The following PSMC2 variants were observed in gnomAD, a reference collection of about 807,000 sequenced individuals.
PSMC2 encodes the protein proteasome 26S subunit, ATPase 2.
Under a neutral mutation model 53.3 loss-of-function variants are expected in PSMC2, and 7 were observed. That is an observed-to-expected ratio of 0.13 (90% CI 0.07 to 0.25). PSMC2 has a LOEUF of 0.25. PSMC2 is among the 10% of genes least tolerant of loss of function. The pLI is 1.00. For synonymous variants in PSMC2, 169 were observed against 183.9 expected (o/e 0.92, Z 0.66); for missense variants, 241 against 544.0 (o/e 0.44, Z 5.54).
rs958686465 is a variant in PSMC2, at chr7:103,355,601, C to T, written c.191-93C>T. The T allele has an allele frequency of 3.3e-6, 3 of 911,180 alleles. No individual in the cohort carries two copies. The African/African-American group carries it at 4.9e-5, about 15-fold the overall frequency. The allele number at this position is 911,180 out of a possible 1,614,324, so 56.4% of individuals were successfully genotyped here. On this transcript the variant is annotated intron_variant, in intron 3 of 11. Coordinates refer to ENST00000292644, the MANE Select transcript of PSMC2 (RefSeq NM_002803.4). Reference sequence around the variant, plus strand: ...ATGATAGTCCTCACAATGAATGATTCAGTGCAAAATATCAGTAGTGCTGAG... The same window carrying T: ...ATGATAGTCCTCACAATGAATGATTTAGTGCAAAATATCAGTAGTGCTGAG...
At chr7:103,359,940 G>A (rs1288683600) in intron 4 of PSMC2, among the ~76,000 whole-genome samples, 2 of 152,054 alleles carry the variant, frequency 1.3e-5, no homozygotes, top group Non-Finnish European at 2.9e-5. Context: ...TATTAGCTGG[G>A]CGTGGTGGCA....
intron 8 of PSMC2, 83 bp from the exon 9 acceptor site, chr7:103,365,993 T>G (rs1321864319): frequency 2.8e-6 from 3 of 1,089,156 alleles, no homozygotes; most frequent in Non-Finnish European, 4.0e-6. Context: ...GAATAAATAT[T>G]GAAAAGTTTG....
At chr7:103,359,140 T>TTTTTTG (rs1820221118) in intron 4 of PSMC2, among the ~76,000 whole-genome samples, 1 of 91,196 alleles carries the variant, frequency 1.1e-5, no homozygotes, top group Non-Finnish European at 2.1e-5. Flanking sequence ...ATGTCTGGCT[T>TTTTTTG]TTTTTTTTTT....
chr7:103,360,260 T>A, intron 4 of PSMC2, among the ~76,000 whole-genome samples: 1 of 152,174 alleles, frequency 6.6e-6, no homozygotes, highest in Non-Finnish European at 1.5e-5. Context: ...TAAAATAATG[T>A]AATGTGTCAC....
chr7:103,347,595 A>ACCC (rs1819629965), upstream of PSMC2: 16 of 1,194,216 alleles, frequency 1.3e-5, no homozygotes, highest in Non-Finnish European at 1.7e-5. Context: ...GCACTGCATA[A>ACCC]AGGGGTCTGT....
intron 9 of PSMC2, 97 bp downstream of exon 9, chr7:103,366,260 C>A: frequency 1.9e-6 from 2 of 1,068,682 alleles, no homozygotes; most frequent in Non-Finnish European, 2.8e-6. Flanking sequence ...AGAATTTTAA[C>A]TCCAACTCTT....
In PSMC2 at chr7:103,367,872, C is replaced by A. The variant is rs758441633; in HGVS notation, c.1145-25C>A. 1.2e-6 allele frequency: 2 copies of A among 1,611,350 alleles called. No homozygotes were observed. Among genetic ancestry groups the A allele is most frequent in the African/African-American group, 1.3e-5 (1 of 74,716 alleles). ...CTGCTCAGGCTGCTTTAATTAAGCC[C>A]GTTTATTTTCTTTTTGTTTGAAAGG... On this transcript the variant is annotated intron_variant, in intron 11 of 11. Coordinates refer to ENST00000292644, the MANE Select transcript of PSMC2 (RefSeq NM_002803.4). The surrounding 1 kb of genome is among the most constrained non-coding windows in gnomAD (Gnocchi z 6.1).
At chr7:103,360,850 G>A (rs1339444236) in intron 4 of PSMC2, among the ~76,000 whole-genome samples, 1 of 152,196 alleles carries the variant, frequency 6.6e-6, no homozygotes, top group Non-Finnish European at 1.5e-5. Flanking sequence ...AATGGCTCAC[G>A]CCTGTAATCC....
chr7:103,353,134 G>A (rs1277574720), intron 1 of PSMC2, among the ~76,000 whole-genome samples: 1 of 151,936 alleles, frequency 6.6e-6, no homozygotes, highest in Admixed American at 6.6e-5. Flanking sequence ...AACCACCGTA[G>A]AACACCATTT....
At chr7:103,366,271 C>G in intron 9 of PSMC2, 108 bp downstream of exon 9, 1 of 944,920 alleles carries the variant, frequency 1.1e-6, no homozygotes, top group Non-Finnish European at 1.6e-6. Flanking sequence ...TCCAACTCTT[C>G]TATGAGCTCT....
At chr7:103,352,601 C>T (rs766781686) in intron 1 of PSMC2, 11 of 389,848 alleles carry the variant, frequency 2.8e-5, no homozygotes, top group East Asian at 1.1e-4. Flanking sequence ...GACATGGTTT[C>T]GCCATGTGGT....
intron 1 of PSMC2, chr7:103,352,606 T>C (rs1819785943): frequency 4.9e-6 from 2 of 405,592 alleles, no homozygotes; most frequent in Non-Finnish European, 9.2e-6. Flanking sequence ...GGTTTCGCCA[T>C]GTGGTCCAGG....
Position 103,366,049 on chromosome 7 carries a change from G to C in PSMC2, c.757-27G>C, listed in dbSNP as rs748211529. On this transcript the variant is annotated intron_variant, in intron 8 of 11. Transcript: ENST00000292644. The stretch of plus-strand genomic sequence containing the variant: ...TTTAAAATATTTTGAAACCAATTTT[G>C]AATTAATAAATCATTTTTCTCATTA... The C allele has an allele frequency of 2.6e-6, 4 of 1,563,164 alleles. No homozygotes were observed. In the Admixed American group the frequency reaches 5.6e-5, roughly 22 times the overall value.
intron 5 of PSMC2, 125 bp from the exon 6 acceptor site, chr7:103,362,561 T>C: frequency 7.1e-7 from 1 of 1,414,964 alleles, no homozygotes; most frequent in Admixed American, 2.7e-5. Context: ...TTTCTCTTTA[T>C]ATAATTAGGG....
rs967912116 is a variant in PSMC2 at position 103,362,577 on chromosome 7, G to C, written c.423-109G>C. 4.2e-6 allele frequency: 6 copies of C among 1,435,282 alleles called. No homozygotes were observed. In the African/African-American group the frequency reaches 7.2e-5, roughly 17 times the overall value. 88.9% of individuals were successfully genotyped at this position (1,435,282 alleles called of 1,614,324 possible). The stretch of plus-strand genomic sequence containing the variant: ...TTCTCTTTATATAATTAGGGACTCT[G>C]TCTCTCTCTTGTTTTCTTAAAGTAT... On this transcript the variant is annotated intron_variant, in intron 5 of 11. Coordinates refer to ENST00000292644, the MANE Select transcript of PSMC2 (RefSeq NM_002803.4).
In PSMC2 at chr7:103,369,190, A is replaced by C. The variant is rs1468322081; in HGVS notation, c.*1136A>C. 6.6e-6 allele frequency: 1 copy of C among 152,202 alleles called. No individual in the cohort carries two copies. Among genetic ancestry groups the C allele is most frequent in the African/African-American group, 2.4e-5 (1 of 41,438 alleles). 9.4% of individuals were successfully genotyped at this position (152,202 alleles called of 1,614,324 possible). A position where few individuals can be genotyped will look rare whatever the true frequency, so the allele number is the denominator to read the frequency against. ...GTAAAGAAATTAAAGCCTTTTATAA[A>C]ATCCAACCAACATTCTTGATTTTTC... On this transcript the variant is annotated 3_prime_UTR_variant, in exon 12 of 12. Coordinates refer to ENST00000292644, the MANE Select transcript of PSMC2 (RefSeq NM_002803.4).
At chr7:103,363,501 A>G in intron 7 of PSMC2, 62 bp downstream of exon 7, 1 of 1,427,222 alleles carries the variant, frequency 7.0e-7, no homozygotes, top group African/African-American at 1.4e-5. Context: ...TGTATTGAGC[A>G]CTAAAATTGC....
intron 4 of PSMC2, among the ~76,000 whole-genome samples, chr7:103,360,338 C>T (rs891066240): frequency 2.6e-5 from 4 of 152,018 alleles, no homozygotes; most frequent in Admixed American, 6.6e-5. Context: ...CTTGTTTTTC[C>T]TTTCAGGTTT....
Position 103,359,186 on chromosome 7 carries a change from C to T in PSMC2, c.291-2771C>T, listed in dbSNP as rs533411732. On this transcript the variant is annotated intron_variant, in intron 4 of 11. Coordinates refer to ENST00000292644, the MANE Select transcript of PSMC2 (RefSeq NM_002803.4). Reference sequence around the variant, plus strand: ...TTTTTTTTTTAATTTTTAGTAGAGACAGGGTCTTGCCATGTTGCCTGGGCT... The same window carrying T: ...TTTTTTTTTTAATTTTTAGTAGAGATAGGGTCTTGCCATGTTGCCTGGGCT... 7.2e-5 allele frequency among the ~76,000 whole-genome samples: 8 copies of T among 110,618 alleles called. No individual in the cohort carries two copies. The South Asian group carries it at 2.7e-3, about 37-fold the overall frequency. 72.6% of individuals were successfully genotyped at this position (110,618 alleles called of 152,430 possible). A position where few individuals can be genotyped will look rare whatever the true frequency, so the allele number is the denominator to read the frequency against.
Sources: allele counts gnomAD v4.1 joint callset (sites outside exome capture counted in the v4.1 genomes callset), GRCh38; gene constraint gnomAD v4.1.1; non-coding constraint Gnocchi (gnomAD v3.1); transcripts MANE v1.5; gene names NCBI Gene and HGNC (gene_info 2026-07-23, HGNC 2026-07-21).